The following COL22A1 variants were observed in gnomAD, a reference collection of about 807,000 sequenced individuals.
COL22A1 encodes collagen alpha-1(XXII) chain.
COL22A1 carries 221 observed loss-of-function variants against 248.9 expected under a neutral mutation model. The observed-to-expected ratio is 0.89, with a 90% CI of 0.80 to 0.99. The LOEUF is 0.99. Ranked by LOEUF, COL22A1 falls within the 50% of genes least tolerant of loss-of-function variation. The pLI is 0.00. For missense variants in COL22A1, 2,240 were observed against 2,179.0 expected (o/e 1.03, Z -0.56); for synonymous variants, 891 against 793.4 (o/e 1.12, Z -2.07).
rs746235003 is a variant in COL22A1 at position 138,591,543 on chromosome 8, G to T, written c.4616-42C>A. ...GCACTTTTGATGGTGGAGACCCCCG[G>T]GGAGGACAGAAACTGGGCGTCCCAC... On this transcript the variant is annotated intron_variant, in intron 63 of 64. Coordinates refer to ENST00000303045, the MANE Select transcript of COL22A1 (RefSeq NM_152888.3). The T allele has an allele frequency of 4.1e-6, 6 of 1,450,068 alleles. No individual in the cohort carries two copies. The East Asian group carries it at 1.6e-4, about 38-fold the overall frequency. The allele number at this position is 1,450,068 out of a possible 1,614,324, so 89.8% of individuals were successfully genotyped here. A position where few individuals can be genotyped will look rare whatever the true frequency, so the allele number is the denominator to read the frequency against.
At chr8:138,663,587 T>C (rs982828782) in intron 42 of COL22A1, 118 bp downstream of exon 42, 1 of 799,324 alleles carries the variant, frequency 1.3e-6, no homozygotes, top group Non-Finnish European at 2.2e-6. Context: ...CACTGTTCAA[T>C]AATAGGAGGA....
chr8:138,868,421 G>A (rs1823065294), intron 3 of COL22A1, among the ~76,000 whole-genome samples: 1 of 152,166 alleles, frequency 6.6e-6, no homozygotes, highest in Admixed American at 6.6e-5. Context: ...TATAATACAT[G>A]TATGGTATTG....
At chr8:138,698,328 C>T (rs1827679412) in intron 32 of COL22A1, among the ~76,000 whole-genome samples, 1 of 152,194 alleles carries the variant, frequency 6.6e-6, no homozygotes. Flanking sequence ...GACACACTAG[C>T]CCCTAATTCC....
intron 2 of COL22A1, among the ~76,000 whole-genome samples, chr8:138,878,844 A>G (rs559725112): frequency 2.0e-5 from 3 of 151,950 alleles, no homozygotes; most frequent in Admixed American, 6.5e-5. Flanking sequence ...CATCTCTACT[A>G]AAAAATACAA....
intron 21 of COL22A1, 141 bp from the exon 22 acceptor site, chr8:138,751,652 C>A (rs930502603): frequency 3.8e-6 from 2 of 529,598 alleles, no homozygotes; most frequent in South Asian, 5.9e-5. Flanking sequence ...TCGGAGGTCC[C>A]ATTCTCTCAA....
intron 11 of COL22A1, among the ~76,000 whole-genome samples, chr8:138,802,432 T>G (rs1473251758): frequency 6.6e-6 from 1 of 151,894 alleles, no homozygotes; most frequent in African/African-American, 2.4e-5. Flanking sequence ...TTTGGAGTGA[T>G]GTCTTGGAGA....
intron 26 of COL22A1, among the ~76,000 whole-genome samples, chr8:138,721,518 T>C (rs1829870962): frequency 6.6e-6 from 1 of 152,192 alleles, no homozygotes; most frequent in Non-Finnish European, 1.5e-5. Context: ...TTGAAATCTC[T>C]TATTATGTTA....
At chr8:138,820,302 G>T (rs1818999270) in intron 7 of COL22A1, among the ~76,000 whole-genome samples, 1 of 152,170 alleles carries the variant, frequency 6.6e-6, no homozygotes, top group South Asian at 2.1e-4. Context: ...AGGCAGTGGG[G>T]GATGCTCTTG....
intron 6 of COL22A1, among the ~76,000 whole-genome samples, chr8:138,822,745 A>T (rs1819250597): frequency 6.6e-6 from 1 of 152,064 alleles, no homozygotes; most frequent in Admixed American, 6.5e-5. Context: ...GAAGAGAGAG[A>T]GTTGGAGTAT....
In COL22A1 at chr8:138,687,288, C is replaced by T. The variant is rs1826436315; in HGVS notation, c.2862+1629G>A. On this transcript the variant is annotated intron_variant, in intron 37 of 64. Transcript: ENST00000303045. ...GTTATTATTAAGCCTATGATCAACA[C>T]TCCAAAAACCCAAGAGAGTCTTCAT... 2.0e-5 allele frequency among the ~76,000 whole-genome samples: 3 copies of T among 152,212 alleles called. No individual in the cohort carries two copies. The South Asian group carries it at 6.2e-4, about 32-fold the overall frequency.
At chr8:138,871,280 G>A (rs778259677) in intron 3 of COL22A1, among the ~76,000 whole-genome samples, 3 of 152,148 alleles carry the variant, frequency 2.0e-5, no homozygotes, top group Non-Finnish European at 4.4e-5. Flanking sequence ...GACTGCCCCC[G>A]GATGCCCCTC....
At chr8:138,678,628 C>T (rs900924873) in intron 40 of COL22A1, among the ~76,000 whole-genome samples, 1 of 151,676 alleles carries the variant, frequency 6.6e-6, no homozygotes, top group African/African-American at 2.4e-5. Context: ...CCAAGAATGA[C>T]CATCATGACA....
intron 5 of COL22A1, among the ~76,000 whole-genome samples, chr8:138,829,573 T>A (rs986043128): frequency 2.6e-5 from 4 of 151,832 alleles, no homozygotes; most frequent in African/African-American, 7.3e-5. Flanking sequence ...CTGGCTAATG[T>A]TTTCTGTTTT....
chr8:138,619,396 G>A, intron 53 of COL22A1, 59 bp downstream of exon 53: 1 of 1,511,838 alleles, frequency 6.6e-7, no homozygotes, highest in East Asian at 2.3e-5. Flanking sequence ...TCACAGTGGT[G>A]AGAGCCATGT....
intron 56 of COL22A1, among the ~76,000 whole-genome samples, chr8:138,610,457 C>T (rs1281600796): frequency 2.0e-5 from 3 of 152,208 alleles, no homozygotes; most frequent in Admixed American, 6.5e-5. Flanking sequence ...TCCTTCTCCT[C>T]GCTCAGAAAA....
intron 18 of COL22A1, among the ~76,000 whole-genome samples, chr8:138,759,964 TTA>T (rs1296646936): frequency 6.6e-6 from 1 of 151,720 alleles, no homozygotes. Flanking sequence ...CATCTAAATA[TTA>T]TATAACAGAA....
chr8:138,803,652 G>C (rs895069191), intron 10 of COL22A1, among the ~76,000 whole-genome samples: 12 of 152,264 alleles, frequency 7.9e-5, no homozygotes, highest in Non-Finnish European at 1.5e-5. Context: ...AGGAGAAAGA[G>C]AGCAGGTAGA....
chr8:138,688,494 CTCAG>C (rs1826546685), intron 37 of COL22A1, among the ~76,000 whole-genome samples: 2 of 151,838 alleles, frequency 1.3e-5, no homozygotes, highest in African/African-American at 4.8e-5. Context: ...GCACTCCAGC[CTCAG>C]TGGCAGAGTG....
intron 41 of COL22A1, among the ~76,000 whole-genome samples, chr8:138,665,485 A>G (rs1426466658): frequency 1.3e-5 from 2 of 152,220 alleles, no homozygotes; most frequent in Non-Finnish European, 2.9e-5. Flanking sequence ...CTGAGAACTC[A>G]CCCTCAGGGC....
Sources: gnomAD v4.1 joint callset for allele counts (sites outside exome capture counted in the v4.1 genomes callset) on GRCh38, gnomAD v4.1.1 for gene constraint, MANE v1.5 for transcripts, NCBI Gene and HGNC (gene_info 2026-07-23, HGNC 2026-07-21) for gene names.